Variants in EYS observed in about 807,000 individuals in gnomAD.
EYS encodes EGF-like photoreceptor maintenance factor, also known as protein eyes shut homolog.
A neutral mutation model predicts 282.1 loss-of-function variants in EYS; 250 were observed. The observed-to-expected ratio is 0.89, with a 90% CI of 0.80 to 0.98. The LOEUF (loss-of-function observed/expected upper bound fraction) is 0.98. Ranked by LOEUF, EYS falls within the 50% of genes least tolerant of loss-of-function variation. The pLI is 0.00. For synonymous variants in EYS, 1,355 were observed against 1,282.9 expected, an observed-to-expected ratio of 1.06 and a Z score of -1.20; for missense variants, 4,016 against 3,709.0, an observed-to-expected ratio of 1.08 and a Z score of -2.15.
At chr6:63,981,495 G>C (rs1437306309) in intron 35 of EYS, among the ~76,000 whole-genome samples, 2 of 151,840 alleles carry the variant, frequency 1.3e-5, no homozygotes, top group African/African-American at 4.8e-5. Context: ...GTATGCAACG[G>C]TGTAAGTAGT....
intron 36 of EYS, among the ~76,000 whole-genome samples, chr6:63,823,789 A>G (rs1461115081): frequency 6.6e-6 from 1 of 151,478 alleles, no homozygotes; most frequent in African/African-American, 2.4e-5. Context: ...CTTTTTTTCT[A>G]TTTCATTTGT....
At chr6:64,716,446 C>T (rs1771396879) in intron 22 of EYS, among the ~76,000 whole-genome samples, 1 of 152,168 alleles carries the variant, frequency 6.6e-6, no homozygotes, top group East Asian at 1.9e-4. Flanking sequence ...AACATTGGTA[C>T]ACTCCTCAAC....
At chr6:65,389,215 G>A (rs1316155225) in intron 7 of EYS, among the ~76,000 whole-genome samples, 3 of 152,124 alleles carry the variant, frequency 2.0e-5, no homozygotes. Flanking sequence ...TGTACTTAGA[G>A]TGAAAATGAA....
intron 35 of EYS, among the ~76,000 whole-genome samples, chr6:63,925,742 C>T (rs1562098619): frequency 6.6e-6 from 1 of 152,186 alleles, no homozygotes; most frequent in Non-Finnish European, 1.5e-5. Context: ...CTCCCAGGTT[C>T]AAGCCATTCT....
At chr6:65,261,998 C>A (rs1416647498) in intron 12 of EYS, among the ~76,000 whole-genome samples, 1 of 152,068 alleles carries the variant, frequency 6.6e-6, no homozygotes, top group Non-Finnish European at 1.5e-5. Flanking sequence ...TCAATCAAAT[C>A]TTCCCTCCTT....
chr6:64,346,228 T>C (rs1174777106), intron 29 of EYS, among the ~76,000 whole-genome samples: 1 of 152,124 alleles, frequency 6.6e-6, no homozygotes. Context: ...TTATAAATCA[T>C]GCTGCTATAA....
chr6:65,185,135 C>A (rs184951477), intron 12 of EYS, among the ~76,000 whole-genome samples: 1 of 151,600 alleles, frequency 6.6e-6, no homozygotes, highest in Non-Finnish European at 1.5e-5. Context: ...GAAAGATGCA[C>A]ATAGATCCAC....
Position 65,495,031 on chromosome 6 carries a change from C to A in EYS, c.380G>T (p.Gly127Val), listed in dbSNP as rs201076128. The A allele has an allele frequency of 1.5e-4, 250 of 1,614,018 alleles. No individual in the cohort carries two copies. The highest frequency in any genetic ancestry group is 2.1e-4 in the Non-Finnish European group (244 of 1,180,032). Residue 127 changes from glycine to valine, a missense_variant, in exon 4 of 43, where the codon GGC becomes GTC. By Grantham distance (109) the Gly-to-Val change is moderately radical. Coordinates refer to ENST00000503581, the MANE Select transcript of EYS (RefSeq NM_001142800.2). ...AGTGTGCATTCCTTTTAGTCTGCAGCCAAAAAGTAACTGATCTTCCGTTGT... is the reference window on the plus strand; with the variant it reads ...AGTGTGCATTCCTTTTAGTCTGCAGACAAAAAGTAACTGATCTTCCGTTGT... ...NTTTEDQLLF[G>V]CRLKGMHTVN...
intron 5 of EYS, among the ~76,000 whole-genome samples, chr6:65,447,914 T>C (rs9363361): frequency 0.19 from 28,157 of 151,948 alleles, 3,263 homozygotes; most frequent in Middle Eastern, 0.3. Context: ...GGAAACAATG[T>C]ACAAAGACCC....
chr6:64,230,727 C>T lies in EYS; in HGVS notation c.6289G>A (p.Val2097Ile), dbSNP rs756911123. The change falls in exon 31 of 43, where the codon GTT becomes ATT. Residue 2097 changes from valine to isoleucine, a missense_variant. Coordinates refer to ENST00000503581, the MANE Select transcript of EYS (RefSeq NM_001142800.2). Reference protein sequence around the residue: ...DTMWTSVSPSVAAPSVCQQDV... With the variant: ...DTMWTSVSPSIAAPSVCQQDV... ...TGCTGGCACACAGAGGGTGCTGCAA[C>T]AGAGGGGCTGACAGAAGTCCACATG... The T allele has an allele frequency of 9.0e-6, 14 of 1,551,466 alleles. No homozygotes were observed. Among genetic ancestry groups the T allele is most frequent in the African/African-American group, 1.4e-5 (1 of 73,030 alleles).
chr6:64,437,689 C>T (rs1250959020), intron 27 of EYS, among the ~76,000 whole-genome samples: 3 of 149,698 alleles, frequency 2.0e-5, no homozygotes, highest in Admixed American at 6.7e-5. Flanking sequence ...GTGGAACACA[C>T]AGAATTATAC....
chr6:64,808,686 A>T (rs766904757), intron 22 of EYS, among the ~76,000 whole-genome samples: 7 of 151,980 alleles, frequency 4.6e-5, no homozygotes, highest in Admixed American at 1.3e-4. Context: ...TGTGCTAACT[A>T]CCACAGCAAA....
chr6:65,061,490 T>A (rs1311114667), intron 12 of EYS, among the ~76,000 whole-genome samples: 1 of 151,748 alleles, frequency 6.6e-6, no homozygotes, highest in Non-Finnish European at 1.5e-5. Flanking sequence ...ATTATCGACA[T>A]CCCCCACCAG....
chr6:64,653,730 ATTT>A (rs10680654), intron 22 of EYS, among the ~76,000 whole-genome samples: 1 of 136,896 alleles, frequency 7.3e-6, no homozygotes, highest in Non-Finnish European at 1.6e-5. Flanking sequence ...ATGCCCAGCT[ATTT>A]TTTTTTTTTT....
At chr6:64,338,325 T>A (rs186856368) in intron 29 of EYS, among the ~76,000 whole-genome samples, 1 of 151,942 alleles carries the variant, frequency 6.6e-6, no homozygotes, top group Non-Finnish European at 1.5e-5. Context: ...AGCTCTGTTG[T>A]ACACCAACAG....
intron 26 of EYS, among the ~76,000 whole-genome samples, chr6:64,518,277 C>A (rs1487968057): frequency 6.6e-6 from 1 of 151,666 alleles, no homozygotes; most frequent in African/African-American, 2.4e-5. Flanking sequence ...AACACCTTAC[C>A]TGCTAATAAA....
intron 14 of EYS, among the ~76,000 whole-genome samples, chr6:64,951,641 A>G (rs2150100101): frequency 6.6e-6 from 1 of 151,956 alleles, no homozygotes; most frequent in South Asian, 2.1e-4. Flanking sequence ...CCACTAGAAA[A>G]CTGAAATCTA....
At chr6:64,943,563 A>G (rs1283038284) in intron 15 of EYS, among the ~76,000 whole-genome samples, 1 of 152,046 alleles carries the variant, frequency 6.6e-6, no homozygotes, top group Non-Finnish European at 1.5e-5. Context: ...GAATCCATTT[A>G]CAATATGAAA....
intron 5 of EYS, among the ~76,000 whole-genome samples, chr6:65,471,229 C>CAAAA (rs527251318): frequency 0.13 from 12,947 of 96,442 alleles, 981 homozygotes; most frequent in East Asian, 0.31. Context: ...CTCATCTTTA[C>CAAAA]AAAAAAAAAA....
Sources: allele counts gnomAD v4.1 joint callset (sites outside exome capture counted in the v4.1 genomes callset), GRCh38; gene constraint gnomAD v4.1.1; transcripts MANE v1.5; gene names NCBI Gene and HGNC (gene_info 2026-07-23, HGNC 2026-07-21).